The following MAN2A1 variants were observed in gnomAD, a reference collection of about 807,000 sequenced individuals.
The protein encoded by MAN2A1 is alpha-mannosidase 2.
In MAN2A1, 76 loss-of-function variants were observed where a neutral mutation model predicts 142.6. That is an observed-to-expected ratio of 0.53 (90% CI 0.44 to 0.65). The LOEUF (loss-of-function observed/expected upper bound fraction) is 0.65, where lower values mean the gene tolerates loss of function less well. MAN2A1 is among the 30% of genes least tolerant of loss of function. The pLI, the probability that MAN2A1 is intolerant of heterozygous loss-of-function variation, is 0.00. For missense variants in MAN2A1, 1,311 were observed against 1,365.1 expected, an observed-to-expected ratio of 0.96 and a Z score of 0.62; for synonymous variants, 559 against 473.2, an observed-to-expected ratio of 1.18 and a Z score of -2.35.
At chr5:109,784,963 C>T (rs1753559409) in intron 10 of MAN2A1, 37 bp downstream of exon 10, 2 of 1,459,248 alleles carry the variant, frequency 1.4e-6, no homozygotes, top group Non-Finnish European at 1.9e-6. Context: ...TTAAAAAAAT[C>T]ATTAAAATTA....
rs760261940 is a variant in MAN2A1, at chr5:109,820,302, A to G, written c.2411A>G (p.Lys804Arg). 1.0e-4 allele frequency: 169 copies of G among 1,613,394 alleles called. 4 individuals carry two copies. In the South Asian group the frequency reaches 1.3e-3, roughly 12 times the overall value. The change falls in exon 15 of 22, where the codon AAA becomes AGA. Residue 804 changes from lysine (K) to arginine (R), a missense_variant. This residue lies in a region of MAN2A1 where 890 missense variants were observed against 920.5 expected (regional missense o/e 0.97). Coordinates refer to ENST00000261483, the MANE Select transcript of MAN2A1 (RefSeq NM_002372.4). ...TATGGAACCACAATTAAAAGAGACA[A>G]AAGTGGTGCCTACCTCTTCTTACCT... is the stretch of plus-strand genomic sequence containing the variant. ...SWYGTTIKRD[K>R]SGAYLFLPDG...
chr5:109,829,614 G>A (rs570684355), intron 16 of MAN2A1, among the ~76,000 whole-genome samples: 1 of 152,136 alleles, frequency 6.6e-6, no homozygotes, highest in East Asian at 1.9e-4. Context: ...GAATCATACT[G>A]GTAAAGCTGT....
In MAN2A1 at chr5:109,716,102, T is replaced by C. The variant is rs1166650482; in HGVS notation, c.391-18T>C. On this transcript the variant is annotated intron_variant, in intron 2 of 21. Transcript: ENST00000261483. ...TAATAATTGTTAAACTTTAATTTTT[T>C]TTCTTTTACATTTTTAGATGTTGGA... 1 of 1,559,056 alleles carries C rather than the reference T, an allele frequency of 6.4e-7. No individual in the cohort carries two copies. Among genetic ancestry groups the C allele is most frequent in the Admixed American group, 1.9e-5 (1 of 53,292 alleles).
intron 20 of MAN2A1, chr5:109,863,076 G>A (rs1226864870): frequency 1.3e-5 from 2 of 152,098 alleles, no homozygotes; most frequent in Admixed American, 1.3e-4. Flanking sequence ...AGGAATTTTA[G>A]CCATGCATGC....
At chr5:109,797,849 G>A (rs1753904719) in intron 12 of MAN2A1, among the ~76,000 whole-genome samples, 1 of 152,116 alleles carries the variant, frequency 6.6e-6, no homozygotes, top group African/African-American at 2.4e-5. Flanking sequence ...GACTGACTTA[G>A]ACAGGAAGAC....
At chr5:109,719,067 C>T (rs1278488078) in intron 3 of MAN2A1, among the ~76,000 whole-genome samples, 2 of 149,088 alleles carry the variant, frequency 1.3e-5, no homozygotes, top group Non-Finnish European at 3.0e-5. Context: ...AGGGATTGCC[C>T]TCGATTTTTA....
At chr5:109,759,949 A>C (rs1414861095) in intron 5 of MAN2A1, among the ~76,000 whole-genome samples, 1 of 42,144 alleles carries the variant, frequency 2.4e-5, no homozygotes, top group Admixed American at 2.4e-4. Flanking sequence ...AATTGTTGCT[A>C]TATATATATA....
intron 2 of MAN2A1, among the ~76,000 whole-genome samples, chr5:109,715,673 A>G (rs1751433261): frequency 6.6e-6 from 1 of 152,224 alleles, no homozygotes; most frequent in African/African-American, 2.4e-5. Context: ...TTGTTCAGGC[A>G]TAGATTTTTA....
intron 16 of MAN2A1, among the ~76,000 whole-genome samples, chr5:109,833,354 C>G (rs56725542): frequency 1.3e-5 from 2 of 152,018 alleles, no homozygotes; most frequent in African/African-American, 4.8e-5. Context: ...GCCGAGATCA[C>G]GCCACTGCAC....
chr5:109,747,909 C>G (rs944987877), intron 4 of MAN2A1, among the ~76,000 whole-genome samples: 3 of 152,178 alleles, frequency 2.0e-5, no homozygotes, highest in African/African-American at 7.2e-5. Context: ...AGTTTCCTCA[C>G]ATCCTTATCA....
rs1172172647 is a variant in MAN2A1, at chr5:109,867,885, G to A, written c.*887G>A. The A allele has an allele frequency of 6.6e-6, 1 of 152,082 alleles. No homozygotes were observed. Among genetic ancestry groups the A allele is most frequent in the African/African-American group, 2.4e-5 (1 of 41,400 alleles). 9.4% of individuals were successfully genotyped at this position (152,082 alleles called of 1,614,324 possible). On this transcript the variant is annotated 3_prime_UTR_variant, in exon 22 of 22. Coordinates refer to ENST00000261483, the MANE Select transcript of MAN2A1 (RefSeq NM_002372.4). ...AATCAGTGTCCATATTACTGTTTGG[G>A]GAAGGGGGAATGTTGTGGGGTCTGG...
chr5:109,696,107 C>T (rs1251962017), intron 1 of MAN2A1, among the ~76,000 whole-genome samples: 5 of 145,746 alleles, frequency 3.4e-5, no homozygotes, highest in African/African-American at 1.3e-4. Flanking sequence ...TAGTATATAT[C>T]TTTTTTTTTT....
chr5:109,806,375 C>G (rs961192995), intron 12 of MAN2A1, among the ~76,000 whole-genome samples: 1 of 152,186 alleles, frequency 6.6e-6, no homozygotes, highest in Non-Finnish European at 1.5e-5. Context: ...AACTGCTCAG[C>G]ACTGTTTTAA....
At chr5:109,814,566 AC>A (rs1371205814) in intron 12 of MAN2A1, among the ~76,000 whole-genome samples, 1 of 152,154 alleles carries the variant, frequency 6.6e-6, no homozygotes, top group Non-Finnish European at 1.5e-5. Context: ...GCAACATTAT[AC>A]TCATTATATA....
At chr5:109,849,281 A>T (rs562092825) in intron 19 of MAN2A1, among the ~76,000 whole-genome samples, 4 of 152,280 alleles carry the variant, frequency 2.6e-5, no homozygotes, top group Admixed American at 6.5e-5. Context: ...GAAGCCACTA[A>T]TACATATCTC....
At chr5:109,694,213 A>G (rs1326587656) in intron 1 of MAN2A1, among the ~76,000 whole-genome samples, 1 of 152,256 alleles carries the variant, frequency 6.6e-6, no homozygotes, top group Non-Finnish European at 1.5e-5. Context: ...TGAGACTCCG[A>G]TGGAAAATGT....
Position 109,716,195 on chromosome 5 carries a change from T to C in MAN2A1, c.466T>C (p.Tyr156His), listed in dbSNP as rs1290252044. ...GVWKQGFDIT[Y>H]ESNEWDTEPL... ...TTGGAAGCAAGGATTTGACATTACTTATGAATCTAATGAATGGGACACTGA... is the reference window on the plus strand; with the variant it reads ...TTGGAAGCAAGGATTTGACATTACTCATGAATCTAATGAATGGGACACTGA... The change falls in exon 3 of 22, where the codon TAT becomes CAT. Residue 156 changes from tyrosine (Y) to histidine (H), a missense_variant. Coordinates refer to ENST00000261483, the MANE Select transcript of MAN2A1 (RefSeq NM_002372.4). The C allele has an allele frequency of 1.2e-6, 2 of 1,611,754 alleles. No homozygotes were observed. Among genetic ancestry groups the C allele is most frequent in the African/African-American group, 2.7e-5 (2 of 74,866 alleles).
intron 16 of MAN2A1, among the ~76,000 whole-genome samples, chr5:109,838,029 C>G (rs1213814427): frequency 6.6e-6 from 1 of 151,494 alleles, no homozygotes; most frequent in Non-Finnish European, 1.5e-5. Context: ...CAGTCTGTAT[C>G]TGTGAGAAGC....
At chr5:109,733,028 T>C (rs1751965431) in intron 4 of MAN2A1, among the ~76,000 whole-genome samples, 1 of 152,230 alleles carries the variant, frequency 6.6e-6, no homozygotes, top group Admixed American at 6.5e-5. Context: ...TTGTATCCTC[T>C]TTTATTTCAT....
Sources: allele counts gnomAD v4.1 joint callset (sites outside exome capture counted in the v4.1 genomes callset), GRCh38; gene constraint gnomAD v4.1.1; regional missense constraint gnomAD v4.1.1; transcripts MANE v1.5; gene names NCBI Gene and HGNC (gene_info 2026-07-23, HGNC 2026-07-21).